Variants in TNR observed in about 807,000 individuals in gnomAD.
TNR encodes tenascin R.
Under a neutral mutation model 150.4 loss-of-function variants are expected in TNR, and 45 were observed. The ratio of observed to expected loss-of-function variants is 0.30; its 90% CI spans 0.24 to 0.38. The LOEUF is 0.38. Among genes scored for constraint, TNR ranks in the 10% least tolerant of loss-of-function variants. The pLI is 1.00. For synonymous variants in TNR, 687 were observed against 678.4 expected (o/e 1.01, Z -0.20); for missense variants, 1,544 against 1,759.1 (o/e 0.88, Z 2.19).
chr1:175,331,054 T>TTTCTTTCTTTCCTTCC (rs1557867679), intron 20 of TNR, among the ~76,000 whole-genome samples: 2 of 105,728 alleles, frequency 1.9e-5, no homozygotes, highest in African/African-American at 7.7e-5. Flanking sequence ...TCTTTCTTTC[T>TTTCTTTCTTTCCTTCC]TTCTTTCTTT....
intron 20 of TNR, among the ~76,000 whole-genome samples, chr1:175,331,097 CTT>C (rs1312294490): frequency 7.6e-5 from 10 of 131,826 alleles, no homozygotes; most frequent in Middle Eastern, 3.9e-3. Flanking sequence ...TTCTTTCTTT[CTT>C]TCTCTCTCTC....
intron 2 of TNR, among the ~76,000 whole-genome samples, chr1:175,463,482 C>T (rs1656904697): frequency 6.6e-6 from 1 of 152,224 alleles, no homozygotes; most frequent in Non-Finnish European, 1.5e-5. Context: ...TGACAATTCT[C>T]ATTATGTTGA....
intron 1 of TNR, among the ~76,000 whole-genome samples, chr1:175,714,218 A>C (rs1667093536): frequency 6.6e-6 from 1 of 151,460 alleles, no homozygotes; most frequent in African/African-American, 2.4e-5. Flanking sequence ...CCTTCTACCC[A>C]TCACGCCCCT....
intron 1 of TNR, among the ~76,000 whole-genome samples, chr1:175,587,556 A>G (rs1361981925): frequency 6.6e-6 from 1 of 152,210 alleles, no homozygotes; most frequent in Non-Finnish European, 1.5e-5. Flanking sequence ...CCCAGCAACA[A>G]AGTTGTGTAG....
chr1:175,339,644 A>C (rs900127355), intron 18 of TNR, among the ~76,000 whole-genome samples: 4 of 152,208 alleles, frequency 2.6e-5, no homozygotes, highest in Non-Finnish European at 1.5e-5. Flanking sequence ...GAAGATCAGC[A>C]ATTAGTGCCC....
rs56074366 is a variant in TNR, at chr1:175,555,515, GAAAAAAA to G, written c.-164-27153_-164-27147del. Among the ~76,000 whole-genome samples, 1,074 of 127,910 alleles carry G rather than the reference GAAAAAAA, an allele frequency of 8.4e-3. 9 individuals are homozygous for G. The highest frequency in any genetic ancestry group is 0.029 in the African/African-American group (984 of 34,102). 83.9% of individuals were successfully genotyped at this position (127,910 alleles called of 152,430 possible). On this transcript the variant is annotated intron_variant, in intron 1 of 22. Coordinates refer to ENST00000367674, the MANE Select transcript of TNR (RefSeq NM_003285.3). The stretch of plus-strand genomic sequence containing the variant: ...AGTGCTGACTCACCGACAACTGAGA[GAAAAAAA>G]AAAAAAAAAAAATCTCCTCAGGTTT...
At chr1:175,450,219 C>T (rs1387438429) in intron 2 of TNR, among the ~76,000 whole-genome samples, 1 of 152,176 alleles carries the variant, frequency 6.6e-6, no homozygotes, top group Non-Finnish European at 1.5e-5. Flanking sequence ...CCAATCTTGT[C>T]ATTTGGTGCC....
At chr1:175,467,336 G>T (rs903136307) in intron 2 of TNR, among the ~76,000 whole-genome samples, 1 of 149,820 alleles carries the variant, frequency 6.7e-6, no homozygotes, top group Non-Finnish European at 1.5e-5. Context: ...AAAGCACTTT[G>T]CTTTCTGCCT....
chr1:175,403,694 C>A (rs988773554), intron 3 of TNR, 78 bp from the exon 4 acceptor site: 1 of 1,183,694 alleles, frequency 8.4e-7, no homozygotes, highest in East Asian at 2.4e-5. Flanking sequence ...TGGGCAAAGG[C>A]CTCTCTACTC....
chr1:175,359,831 T>C (rs1651511559), intron 14 of TNR, 100 bp from the exon 15 acceptor site: 1 of 1,424,930 alleles, frequency 7.0e-7, no homozygotes, highest in South Asian at 1.4e-5. Flanking sequence ...AGACTGCTGC[T>C]GCACTCTACA....
intron 1 of TNR, among the ~76,000 whole-genome samples, chr1:175,655,888 G>A (rs760919581): frequency 1.4e-4 from 21 of 152,132 alleles, no homozygotes; most frequent in Non-Finnish European, 2.8e-4. Context: ...GGGGATAGAT[G>A]GGGAGATGGT....
At chr1:175,711,258 C>A (rs1282680163) in intron 1 of TNR, among the ~76,000 whole-genome samples, 1 of 152,046 alleles carries the variant, frequency 6.6e-6, no homozygotes. Context: ...GCAGGCTTCA[C>A]CATGAAGGTG....
In TNR at chr1:175,316,173, T is replaced by G. The variant is rs185896762; in HGVS notation, c.*7184A>C. 1.3e-5 allele frequency: 2 copies of G among 152,334 alleles called. No homozygotes were observed. Among genetic ancestry groups the G allele is most frequent in the East Asian group, 3.9e-4 (2 of 5,180 alleles). The allele number at this position is 152,334 out of a possible 1,614,324, so 9.4% of individuals were successfully genotyped here. On this transcript the variant is annotated 3_prime_UTR_variant, in exon 23 of 23. Transcript: ENST00000367674. ...GGCCTGGCAGCTAAAAATACCAGGTTGCCAAGTACTGATTTCCTTCTAAAT... is the reference window on the plus strand; with the variant it reads ...GGCCTGGCAGCTAAAAATACCAGGTGGCCAAGTACTGATTTCCTTCTAAAT...
intron 21 of TNR, among the ~76,000 whole-genome samples, chr1:175,325,730 A>C (rs1223667936): frequency 1.3e-5 from 2 of 152,216 alleles, no homozygotes; most frequent in Non-Finnish European, 2.9e-5. Flanking sequence ...GACATGGATG[A>C]AGCTGGAAAC....
At position 175,599,785 on chromosome 1, in the gene TNR, T is replaced by G. The variant is rs1663163300; in HGVS notation, c.-164-71416A>C. 6.6e-6 allele frequency among the ~76,000 whole-genome samples: 1 copy of G among 152,198 alleles called. No homozygotes were observed. The highest frequency in any genetic ancestry group is 2.4e-5 in the African/African-American group (1 of 41,454). Reference sequence around the variant, plus strand: ...CACCAATATGCAGTCTCACAACCGTTTTCTGTCCCACTTGAAACCAGAAAA... The same window carrying G: ...CACCAATATGCAGTCTCACAACCGTGTTCTGTCCCACTTGAAACCAGAAAA... On this transcript the variant is annotated intron_variant, in intron 1 of 22. Transcript: ENST00000367674. This position sits in a 1 kb window ranked among gnomAD's most constrained non-coding sequence, Gnocchi z 4.7.
At chr1:175,405,888 C>T (rs114753739) in intron 3 of TNR, among the ~76,000 whole-genome samples, 3 of 152,108 alleles carry the variant, frequency 2.0e-5, no homozygotes, top group African/African-American at 4.8e-5. Flanking sequence ...ATTCCCTGCT[C>T]GCCATCGAAG....
intron 18 of TNR, 132 bp downstream of exon 18, chr1:175,354,259 A>G: frequency 5.7e-6 from 7 of 1,229,028 alleles, no homozygotes; most frequent in African/African-American, 1.5e-5. Flanking sequence ...GGGCTTGGAC[A>G]GGGGAAAAGA....
chr1:175,387,255 C>T (rs993280448), intron 7 of TNR, among the ~76,000 whole-genome samples: 1 of 152,220 alleles, frequency 6.6e-6, no homozygotes, highest in Admixed American at 6.5e-5. Context: ...GGGATGTCTG[C>T]ATGGCCAACA....
At chr1:175,326,657 TTTTTC>T (rs1296610842) in intron 21 of TNR, among the ~76,000 whole-genome samples, 8 of 152,310 alleles carry the variant, frequency 5.3e-5, no homozygotes, top group African/African-American at 1.9e-4. Context: ...TACTTTTTCC[TTTTTC>T]TTTTATTTAT....
Sources: gnomAD v4.1 joint callset for allele counts (sites outside exome capture counted in the v4.1 genomes callset) on GRCh38, gnomAD v4.1.1 for gene constraint, Gnocchi (gnomAD v3.1) non-coding constraint, MANE v1.5 for transcripts, NCBI Gene and HGNC (gene_info 2026-07-23, HGNC 2026-07-21) for gene names.